The following DLGAP2 variants were observed in gnomAD, a reference collection of about 807,000 sequenced individuals.
DLGAP2 encodes disks large-associated protein 2.
A neutral mutation model predicts 100.3 loss-of-function variants in DLGAP2; 26 were observed. The ratio of observed to expected loss-of-function variants is 0.26; its 90% CI spans 0.19 to 0.36. DLGAP2 has a LOEUF of 0.36. Among genes scored for constraint, DLGAP2 ranks in the 10% least tolerant of loss-of-function variants. DLGAP2 has a pLI of 1.00. For missense variants in DLGAP2, 1,858 were observed against 1,453.2 expected, an observed-to-expected ratio of 1.28 and a Z score of -4.53; for synonymous variants, 886 against 630.1, an observed-to-expected ratio of 1.41 and a Z score of -6.08.
chr8:1,458,159 G>T (rs1003767565), intron 3 of DLGAP2, among the ~76,000 whole-genome samples: 7 of 151,606 alleles, frequency 4.6e-5, no homozygotes, highest in African/African-American at 9.7e-5. Context: ...ACCCGCCTCG[G>T]CCTCCCAAAG....
At chr8:1,508,101 C>A (rs1799997154) in intron 4 of DLGAP2, among the ~76,000 whole-genome samples, 1 of 151,898 alleles carries the variant, frequency 6.6e-6, no homozygotes, top group Admixed American at 6.5e-5. Flanking sequence ...ATTTTATTTC[C>A]ACACAAACAC....
At chr8:973,329 G>A (rs528377632) in intron 2 of DLGAP2, among the ~76,000 whole-genome samples, 8 of 151,450 alleles carry the variant, frequency 5.3e-5, no homozygotes, top group East Asian at 2.0e-4. Flanking sequence ...GGCGGCTGCC[G>A]GGCGGAGACG....
chr8:1,609,698 C>T (rs1422733240), intron 6 of DLGAP2, among the ~76,000 whole-genome samples: 1 of 103,526 alleles, frequency 9.7e-6, no homozygotes, highest in African/African-American at 3.4e-5. Context: ...GGAAGATCTA[C>T]CAAGCAAATG....
chr8:1,388,966 C>G lies in DLGAP2; in HGVS notation c.107-112400C>G, dbSNP rs1453868193. ...TGTCAGGGCTGTGAGAGGCAGAGGCCGTGGATGAGGAGGCGCTGGTTCAGG... is the reference window on the plus strand; with the variant it reads ...TGTCAGGGCTGTGAGAGGCAGAGGCGGTGGATGAGGAGGCGCTGGTTCAGG... On this transcript the variant is annotated intron_variant, in intron 3 of 14. Coordinates refer to ENST00000637795, the MANE Select transcript of DLGAP2 (RefSeq NM_001346810.2). Among the ~76,000 whole-genome samples the G allele has an allele frequency of 5.6e-4, 74 of 132,846 alleles. 1 individual carries two copies. Among genetic ancestry groups the G allele is most frequent in the South Asian group, 1.3e-3 (5 of 3,800 alleles). 87.2% of individuals were successfully genotyped at this position (132,846 alleles called of 152,430 possible).
At chr8:1,384,832 AC>A (rs1796179519) in intron 3 of DLGAP2, among the ~76,000 whole-genome samples, 1 of 17,636 alleles carries the variant, frequency 5.7e-5, no homozygotes, top group Non-Finnish European at 1.1e-4. Flanking sequence ...GTGCACAGTT[AC>A]CCCGGCCTAT....
chr8:1,120,399 A>G (rs1302808765), intron 2 of DLGAP2, among the ~76,000 whole-genome samples: 1 of 152,190 alleles, frequency 6.6e-6, no homozygotes, highest in Non-Finnish European at 1.5e-5. Flanking sequence ...TCCTTCAGAT[A>G]CCATGACAGC....
rs181786136 is a variant in DLGAP2, at chr8:852,123, G to C, written c.19-55789G>C. Among the ~76,000 whole-genome samples the C allele has an allele frequency of 1.2e-3, 183 of 152,118 alleles. 2 individuals are homozygous for C. The highest frequency in any genetic ancestry group is 0.012 in the Admixed American group (179 of 15,274). ...TGATTTCCTCTTATGTGTGTGCAGA[G>C]ATTTTGAGAAGGGACACATTGGAAG... On this transcript the variant is annotated intron_variant, in intron 1 of 14. Transcript: ENST00000637795.
At chr8:1,319,342 A>T (rs1387641916) in intron 3 of DLGAP2, among the ~76,000 whole-genome samples, 1 of 152,196 alleles carries the variant, frequency 6.6e-6, no homozygotes, top group Non-Finnish European at 1.5e-5. Flanking sequence ...CTCAAATCCC[A>T]GATCAGAGGT....
At chr8:1,369,755 T>C (rs1802192591) in intron 3 of DLGAP2, 1 of 152,294 alleles carries the variant, frequency 6.6e-6, no homozygotes, top group Admixed American at 6.5e-5. Context: ...TGAACTCTTT[T>C]AACATTTTGC....
chr8:1,520,407 T>C (rs1800552960), intron 4 of DLGAP2, among the ~76,000 whole-genome samples: 2 of 152,348 alleles, frequency 1.3e-5, no homozygotes, highest in African/African-American at 4.8e-5. Flanking sequence ...TCTGTCACAA[T>C]TGATGAGCCA....
At chr8:1,554,776 C>CT (rs1469682554) in intron 5 of DLGAP2, among the ~76,000 whole-genome samples, 1 of 151,380 alleles carries the variant, frequency 6.6e-6, no homozygotes, top group East Asian at 2.0e-4. Flanking sequence ...CCCAGCCCCC[C>CT]CTCCCCCGCG....
At chr8:843,060 G>T (rs896111391) in intron 1 of DLGAP2, among the ~76,000 whole-genome samples, 1 of 152,210 alleles carries the variant, frequency 6.6e-6, no homozygotes, top group African/African-American at 2.4e-5. Flanking sequence ...GCAGGCAGGG[G>T]TGTTATTCGG....
intron 2 of DLGAP2, among the ~76,000 whole-genome samples, chr8:1,241,303 C>T (rs915835138): frequency 8.6e-5 from 13 of 151,726 alleles, no homozygotes; most frequent in African/African-American, 1.7e-4. Flanking sequence ...CACATGGAGC[C>T]GTGTCTAGTT....
At chr8:1,468,056 T>G (rs1798674090) in intron 3 of DLGAP2, among the ~76,000 whole-genome samples, 1 of 152,256 alleles carries the variant, frequency 6.6e-6, no homozygotes. Context: ...GGCTTGCATC[T>G]TGACCCCTGT....
chr8:1,376,528 C>T (rs552423642), intron 3 of DLGAP2, among the ~76,000 whole-genome samples: 11 of 152,308 alleles, frequency 7.2e-5, no homozygotes, highest in East Asian at 1.9e-4. Context: ...ACAATTGAGG[C>T]GCTTTCAGAA....
intron 2 of DLGAP2, among the ~76,000 whole-genome samples, chr8:1,169,547 T>C (rs1797086066): frequency 6.6e-6 from 1 of 152,210 alleles, no homozygotes; most frequent in African/African-American, 2.4e-5. Context: ...TTGTATCCTC[T>C]TTAATTTCAC....
At chr8:817,192 G>C (rs1022685886) in intron 1 of DLGAP2, among the ~76,000 whole-genome samples, 2 of 151,610 alleles carry the variant, frequency 1.3e-5, no homozygotes, top group Admixed American at 6.6e-5. Flanking sequence ...TTGATGGGCT[G>C]GGTTAATTTG....
At chr8:1,262,490 G>A (rs1799371574) in intron 3 of DLGAP2, 1 of 152,126 alleles carries the variant, frequency 6.6e-6, no homozygotes, top group Non-Finnish European at 1.5e-5. Flanking sequence ...GTTAACGAGG[G>A]TCTGGATGCC....
At chr8:943,820 G>A (rs1464305879) in intron 2 of DLGAP2, among the ~76,000 whole-genome samples, 1 of 152,252 alleles carries the variant, frequency 6.6e-6, no homozygotes, top group Non-Finnish European at 1.5e-5. Context: ...GAAACATTAT[G>A]GATTAGATTG....
Sources: allele counts gnomAD v4.1 joint callset (sites outside exome capture counted in the v4.1 genomes callset), GRCh38; gene constraint gnomAD v4.1.1; transcripts MANE v1.5; gene names NCBI Gene and HGNC (gene_info 2026-07-23, HGNC 2026-07-21).